The following CCDC141 variants were observed in gnomAD, a reference collection of about 807,000 sequenced individuals.
CCDC141 encodes the protein coiled-coil domain-containing protein 141.
In CCDC141, 168 loss-of-function variants were observed where a neutral mutation model predicts 181.0. The observed-to-expected ratio is 0.93, with a 90% CI of 0.82 to 1.05. The LOEUF is 1.05. Among genes scored for constraint, CCDC141 ranks in the 50% least tolerant of loss-of-function variants. The pLI, the probability that CCDC141 is intolerant of heterozygous loss-of-function variation, is 0.00. For missense variants in CCDC141, 1,902 were observed against 1,788.5 expected (o/e 1.06, Z -1.14); for synonymous variants, 666 against 642.3 (o/e 1.04, Z -0.56).
At chr2:178,949,186 C>T (rs1052326592) in intron 5 of CCDC141, among the ~76,000 whole-genome samples, 2 of 152,078 alleles carry the variant, frequency 1.3e-5, no homozygotes, top group African/African-American at 4.8e-5. Context: ...CAAAGAAGGA[C>T]TCCTTTTTTT....
intron 6 of CCDC141, among the ~76,000 whole-genome samples, chr2:178,943,169 C>T (rs75008722): frequency 0.23 from 35,307 of 151,760 alleles, 5,488 homozygotes; most frequent in Non-Finnish European, 0.34. Context: ...TTGGGGCTTT[C>T]GATAGAATTT....
intron 2 of CCDC141, among the ~76,000 whole-genome samples, chr2:179,013,934 C>T (rs1395468864): frequency 8.9e-6 from 1 of 111,946 alleles, no homozygotes; most frequent in Non-Finnish European, 1.7e-5. Context: ...GCACTCCAGC[C>T]TGGGCTACAG....
chr2:179,026,288 T>C (rs1273095259), intron 2 of CCDC141, among the ~76,000 whole-genome samples: 4 of 152,168 alleles, frequency 2.6e-5, no homozygotes, highest in Admixed American at 2.6e-4. Context: ...AGGGTTCCTG[T>C]GCTGTGCATA....
At chr2:178,908,954 A>G (rs1312073821) in intron 7 of CCDC141, among the ~76,000 whole-genome samples, 3 of 152,208 alleles carry the variant, frequency 2.0e-5, no homozygotes, top group African/African-American at 7.2e-5. Context: ...GATTGAGCCC[A>G]TCTTTAAAAA....
Position 178,982,708 on chromosome 2 carries a change from G to A in CCDC141, c.226-4033C>T, listed in dbSNP as rs181033661. Among the ~76,000 whole-genome samples the A allele has an allele frequency of 1.8e-3, 277 of 152,278 alleles. 5 individuals are homozygous for A. The South Asian group carries it at 0.023, about 12-fold the overall frequency. ...CTAATCAAAGAAAGGGGTGACAGAC[G>A]GCACCTGGAGAATCGGGTCACTCCC... On this transcript the variant is annotated intron_variant, in intron 2 of 23. Transcript: ENST00000443758.
chr2:178,941,024 T>C (rs1476153034), intron 6 of CCDC141, among the ~76,000 whole-genome samples: 1 of 152,188 alleles, frequency 6.6e-6, no homozygotes, highest in East Asian at 1.9e-4. Context: ...GAAGTCTATT[T>C]TTCTGTCATG....
chr2:178,959,940 A>G (rs1019352976), intron 5 of CCDC141, among the ~76,000 whole-genome samples: 1 of 152,200 alleles, frequency 6.6e-6, no homozygotes, highest in Non-Finnish European at 1.5e-5. Flanking sequence ...ATCATTTATT[A>G]TAAGTCCTTC....
At chr2:178,847,901 T>C (rs1027489480) in intron 21 of CCDC141, among the ~76,000 whole-genome samples, 1 of 152,156 alleles carries the variant, frequency 6.6e-6, no homozygotes, top group Non-Finnish European at 1.5e-5. Flanking sequence ...CATGAAAGGT[T>C]AGAGTGAGTA....
At chr2:179,039,877 T>G (rs538098471) in intron 2 of CCDC141, among the ~76,000 whole-genome samples, 133 of 152,348 alleles carry the variant, frequency 8.7e-4, no homozygotes, top group African/African-American at 3.1e-3. Context: ...AAATGGAATT[T>G]ATATTTTCAT....
At position 178,843,222 on chromosome 2, in the gene CCDC141, T is replaced by C. The variant is rs111361926; in HGVS notation, c.3474+2404A>G. ...AGTGTATGGCTAAAATTCAGGAGAA[T>C]TGGGGTGACTGCCAGTTCTTACACT... On this transcript the variant is annotated intron_variant, in intron 22 of 23. Coordinates refer to ENST00000443758, the MANE Select transcript of CCDC141 (RefSeq NM_173648.4). Among the ~76,000 whole-genome samples the C allele has an allele frequency of 4.4e-3, 665 of 152,320 alleles. 2 individuals are homozygous for C. Among genetic ancestry groups the C allele is most frequent in the African/African-American group, 0.015 (630 of 41,566 alleles).
chr2:179,027,368 G>C (rs527309816), intron 2 of CCDC141, among the ~76,000 whole-genome samples: 7 of 152,112 alleles, frequency 4.6e-5, no homozygotes, highest in South Asian at 2.1e-4. Context: ...TTTCCGGCCA[G>C]GCATGGTGGC....
intron 4 of CCDC141, among the ~76,000 whole-genome samples, chr2:178,965,357 C>G (rs768744168): frequency 6.6e-6 from 1 of 152,166 alleles, no homozygotes; most frequent in East Asian, 1.9e-4. Context: ...AGGAACAGCT[C>G]GGGTCTGCAG....
chr2:178,881,725 C>CA (rs552808853), intron 11 of CCDC141, among the ~76,000 whole-genome samples: 57 of 149,814 alleles, frequency 3.8e-4, no homozygotes, highest in East Asian at 5.9e-4. Flanking sequence ...CCCATTTTTA[C>CA]AAAAAAAAAT....
chr2:179,044,869 G>T (rs1288696966), intron 2 of CCDC141, among the ~76,000 whole-genome samples: 1 of 152,160 alleles, frequency 6.6e-6, no homozygotes, highest in Non-Finnish European at 1.5e-5. Flanking sequence ...GGAAGACCTT[G>T]AGTTATTAGC....
chr2:178,939,724 G>T (rs1689430426), intron 6 of CCDC141, among the ~76,000 whole-genome samples: 1 of 152,054 alleles, frequency 6.6e-6, no homozygotes, highest in African/African-American at 2.4e-5. Context: ...TCACTGGGAG[G>T]TCGTCCAAGG....
In CCDC141 at chr2:178,961,408, T is replaced by C. The variant is rs780388759; in HGVS notation, c.602A>G (p.Glu201Gly). ...CAACTCAGGATTCACATTAGGTCCT[T>C]CACACTTGAATTTTTCTATGAAGTC... ...LTDFIEKFKC[E>G]GPNVNPELTQ... is the part of the protein sequence containing the mutation. The change falls in exon 5 of 24, where the codon GAA becomes GGA. Residue 201 changes from glutamate (E) to glycine (G), a missense_variant. Physicochemically the swap from Glu to Gly is moderately conservative, Grantham distance 98 (BLOSUM62 -2). Coordinates refer to ENST00000443758, the MANE Select transcript of CCDC141 (RefSeq NM_173648.4). 4 of 1,550,574 alleles carry C rather than the reference T, an allele frequency of 2.6e-6. No individual in the cohort carries two copies. Among genetic ancestry groups the C allele is most frequent in the South Asian group, 1.2e-5 (1 of 84,060 alleles).
At chr2:178,855,006 C>T (rs1423529618) in intron 19 of CCDC141, among the ~76,000 whole-genome samples, 1 of 152,116 alleles carries the variant, frequency 6.6e-6, no homozygotes, top group African/African-American at 2.4e-5. Context: ...CCATTCTGAG[C>T]ATTTTAAACA....
intron 2 of CCDC141, among the ~76,000 whole-genome samples, chr2:179,015,670 TATCTC>T (rs1247504599): frequency 7.0e-6 from 1 of 142,252 alleles, no homozygotes; most frequent in Non-Finnish European, 1.5e-5. Flanking sequence ...ATCTCATACA[TATCTC>T]ATATATATCT....
Position 178,975,041 on chromosome 2 carries a change from T to C in CCDC141, c.526+16A>G. On this transcript the variant is annotated intron_variant, in intron 4 of 23. Coordinates refer to ENST00000443758, the MANE Select transcript of CCDC141 (RefSeq NM_173648.4). ...AACCTCTAAACACTTCTGTGAGAAA[T>C]AAACATATTTCTTGCCTTTAGTATG... The C allele has an allele frequency of 1.5e-6, 2 of 1,298,956 alleles. No individual in the cohort carries two copies. Among genetic ancestry groups the C allele is most frequent in the Non-Finnish European group, 2.1e-6 (2 of 933,940 alleles). The allele number at this position is 1,298,956 out of a possible 1,614,324, so 80.5% of individuals were successfully genotyped here. A position where few individuals can be genotyped will look rare whatever the true frequency, so the allele number is the denominator to read the frequency against.
Sources: allele counts gnomAD v4.1 joint callset (sites outside exome capture counted in the v4.1 genomes callset), GRCh38; gene constraint gnomAD v4.1.1; transcripts MANE v1.5; gene names NCBI Gene and HGNC (gene_info 2026-07-23, HGNC 2026-07-21).